Variants in COL5A2 observed in about 807,000 individuals in gnomAD.
COL5A2 encodes the protein collagen alpha-2(V) chain.
COL5A2 carries 23 observed loss-of-function variants against 208.2 expected under a neutral mutation model. That is an observed-to-expected ratio of 0.11 (90% CI 0.08 to 0.16). The LOEUF (loss-of-function observed/expected upper bound fraction) is 0.16, where lower values mean the gene tolerates loss of function less well. COL5A2 is among the 10% of genes least tolerant of loss of function. The pLI, the probability that COL5A2 is intolerant of heterozygous loss-of-function variation, is 1.00. For missense variants in COL5A2, 1,590 were observed against 1,956.4 expected (o/e 0.81, Z 3.53); for synonymous variants, 625 against 628.5 (o/e 0.99, Z 0.08).
intron 32 of COL5A2, 146 bp downstream of exon 32, chr2:189,058,703 G>A: frequency 1.1e-6 from 1 of 912,940 alleles, no homozygotes; most frequent in Non-Finnish European, 1.7e-6. Context: ...TAGTTTCATA[G>A]CACAAAATAT....
chr2:189,127,510 T>G (rs1687630065), intron 1 of COL5A2, among the ~76,000 whole-genome samples: 1 of 152,064 alleles, frequency 6.6e-6, no homozygotes, highest in Non-Finnish European at 1.5e-5. Flanking sequence ...CTAGGCTTTT[T>G]TATTTATTTT....
At chr2:189,326,873 C>A in the COL5A2 span, among the ~76,000 whole-genome samples, 72 of 152,016 alleles carry the variant, frequency 4.7e-4, no homozygotes, top group East Asian at 9.3e-3. Context: ...GAGTTCAAGA[C>A]CAGCCTGTCC....
the COL5A2 span, among the ~76,000 whole-genome samples, chr2:189,389,378 A>G: frequency 1.3e-5 from 2 of 152,222 alleles, no homozygotes; most frequent in East Asian, 1.9e-4. Context: ...ACAAAAATAC[A>G]GAAGAACAAT....
At chr2:189,238,764 A>T in the COL5A2 span, among the ~76,000 whole-genome samples, 1 of 152,134 alleles carries the variant, frequency 6.6e-6, no homozygotes, top group Non-Finnish European at 1.5e-5. Context: ...GTGAGAACTC[A>T]CTCACTATCA....
At chr2:189,424,848 CA>C in the COL5A2 span, among the ~76,000 whole-genome samples, 1 of 152,044 alleles carries the variant, frequency 6.6e-6, no homozygotes, top group Non-Finnish European at 1.5e-5. Flanking sequence ...CCTGATTAGC[CA>C]AAATCATCTT....
intron 1 of COL5A2, among the ~76,000 whole-genome samples, chr2:189,193,262 C>G (rs1688953022): frequency 1.3e-5 from 2 of 152,046 alleles, no homozygotes; most frequent in South Asian, 4.2e-4. Context: ...AAAGATTTTC[C>G]AACTTGAGCA....
the COL5A2 span, among the ~76,000 whole-genome samples, chr2:189,320,054 G>C: frequency 6.6e-6 from 1 of 152,174 alleles, no homozygotes; most frequent in Admixed American, 6.5e-5. Context: ...CAGGCAAACA[G>C]GGTCTGGAGT....
chr2:189,092,249 C>T (rs1297441400), intron 7 of COL5A2, 61 bp downstream of exon 7: 2 of 1,058,810 alleles, frequency 1.9e-6, no homozygotes, highest in Non-Finnish European at 2.9e-6. Context: ...AAAATCCTAA[C>T]AATATATCAA....
chr2:189,212,241 G>A (rs1689222581), intron 1 of COL5A2, among the ~76,000 whole-genome samples: 1 of 152,150 alleles, frequency 6.6e-6, no homozygotes, highest in South Asian at 2.1e-4. Context: ...TATACCTTGA[G>A]ATGCTACCGA....
intron 23 of COL5A2, among the ~76,000 whole-genome samples, chr2:189,065,453 T>G (rs1686127066): frequency 6.6e-6 from 1 of 151,904 alleles, no homozygotes; most frequent in South Asian, 2.1e-4. Flanking sequence ...TTCTTGAACC[T>G]TGGACGCAGA....
chr2:189,315,544 C>T, the COL5A2 span, among the ~76,000 whole-genome samples: 1 of 152,114 alleles, frequency 6.6e-6, no homozygotes, highest in Non-Finnish European at 1.5e-5. Context: ...GCCCTCTCAC[C>T]ACTCCTATTC....
At chr2:189,395,819 G>A in the COL5A2 span, among the ~76,000 whole-genome samples, 185 of 145,102 alleles carry the variant, frequency 1.3e-3, no homozygotes, top group Non-Finnish European at 2.2e-3. Context: ...GAGTGAGGCA[G>A]GTGAATCACT....
chr2:189,321,134 C>T, the COL5A2 span, among the ~76,000 whole-genome samples: 4 of 152,146 alleles, frequency 2.6e-5, no homozygotes, highest in Non-Finnish European at 5.9e-5. Context: ...TTTATCACCA[C>T]CAGGCCTGCC....
At chr2:189,055,094 A>C (rs577090429) in intron 35 of COL5A2, among the ~76,000 whole-genome samples, 5 of 152,144 alleles carry the variant, frequency 3.3e-5, no homozygotes, top group Admixed American at 6.5e-5. Flanking sequence ...CACCATAGCC[A>C]GGGTGGTCTT....
At chr2:189,112,924 C>T (rs1248095262) in intron 1 of COL5A2, among the ~76,000 whole-genome samples, 3 of 152,138 alleles carry the variant, frequency 2.0e-5, no homozygotes, top group Non-Finnish European at 4.4e-5. Context: ...GTCTATAGTT[C>T]ACTGAACAAT....
chr2:189,399,129 T>C, the COL5A2 span, among the ~76,000 whole-genome samples: 3 of 152,226 alleles, frequency 2.0e-5, no homozygotes, highest in Non-Finnish European at 4.4e-5. Context: ...TTCTGCATTT[T>C]TATGCTTTCA....
chr2:189,384,648 T>C, the COL5A2 span, among the ~76,000 whole-genome samples: 1 of 152,150 alleles, frequency 6.6e-6, no homozygotes, highest in Non-Finnish European at 1.5e-5. Flanking sequence ...TGGTTATTAA[T>C]CTCTTTTCAG....
intron 1 of COL5A2, among the ~76,000 whole-genome samples, chr2:189,149,381 T>G (rs952105845): frequency 6.6e-6 from 1 of 152,122 alleles, no homozygotes; most frequent in Non-Finnish European, 1.5e-5. Context: ...ATTGGAACCT[T>G]AATATCTGAT....
rs56380683 is a variant in COL5A2 at position 189,100,165 on chromosome 2, A to C, written c.337-26T>G. On this transcript the variant is annotated intron_variant, in intron 3 of 53. Coordinates refer to ENST00000374866, the MANE Select transcript of COL5A2 (RefSeq NM_000393.5). ...CTGTGACATTAAAAACAATTCAAAA[A>C]TTCAATTAGCACAATATAATGGCTT... is the stretch of plus-strand genomic sequence containing the variant. The C allele has an allele frequency of 6.2e-6, 10 of 1,600,314 alleles. No individual in the cohort carries two copies. In the South Asian group the frequency reaches 9.9e-5, roughly 16 times the overall value.
Sources: gnomAD v4.1 joint callset for allele counts (sites outside exome capture counted in the v4.1 genomes callset) on GRCh38, gnomAD v4.1.1 for gene constraint, MANE v1.5 for transcripts, NCBI Gene and HGNC (gene_info 2026-07-23, HGNC 2026-07-21) for gene names.